Variants in METTL9 observed in about 807,000 individuals in gnomAD.
The protein encoded by METTL9 is protein-L-histidine N-pros-methyltransferase.
A neutral mutation model predicts 36.0 loss-of-function variants in METTL9; 10 were observed. That is an observed-to-expected ratio of 0.28 (90% CI 0.17 to 0.47). The LOEUF is 0.47. Among genes scored for constraint, METTL9 ranks in the 20% least tolerant of loss-of-function variants. METTL9 has a pLI of 0.99. For missense variants in METTL9, 246 were observed against 383.5 expected, an observed-to-expected ratio of 0.64 and a Z score of 3.00; for synonymous variants, 175 against 149.7, an observed-to-expected ratio of 1.17 and a Z score of -1.23.
chr16:21,600,909 A>G (rs745538623), intron 1 of METTL9, among the ~76,000 whole-genome samples: 4 of 152,110 alleles, frequency 2.6e-5, no homozygotes, highest in Non-Finnish European at 4.4e-5. Context: ...TCATTTTCAT[A>G]TATTTCTCAT....
chr16:21,641,453 A>G, intron 4 of METTL9: 1 of 685,164 alleles, frequency 1.5e-6, no homozygotes, highest in Non-Finnish European at 2.4e-6. Context: ...TTTTTTTAAG[A>G]CCTGATGATA....
chr16:21,640,026 C>T (rs1480770677), intron 4 of METTL9: 3 of 152,118 alleles, frequency 2.0e-5, no homozygotes, highest in African/African-American at 7.2e-5. Flanking sequence ...GCAACCTCCG[C>T]ATCCTGGGTT....
At chr16:21,599,291 T>G (rs1048906986), upstream of METTL9, among the ~76,000 whole-genome samples, 2 of 152,096 alleles carry the variant, frequency 1.3e-5, no homozygotes, top group African/African-American at 4.8e-5. This position sits in a 1 kb window ranked among gnomAD's most constrained non-coding sequence, Gnocchi z 4.4. Flanking sequence ...GAGGCTGCAG[T>G]TACCGCCTTC....
intron 1 of METTL9, among the ~76,000 whole-genome samples, chr16:21,600,684 G>A (rs755791345): frequency 5.3e-5 from 8 of 152,186 alleles, no homozygotes; most frequent in Non-Finnish European, 7.3e-5. Context: ...CTTTTCATTA[G>A]CTCAGTCTTG....
chr16:21,603,765 A>G lies in METTL9; in HGVS notation c.165+3867A>G, dbSNP rs369568921. Among the ~76,000 whole-genome samples, 10 of 152,204 alleles carry G rather than the reference A, an allele frequency of 6.6e-5. No homozygotes were observed. In the South Asian group the frequency reaches 1.0e-3, roughly 16 times the overall value. On this transcript the variant is annotated intron_variant, in intron 1 of 4. Transcript: ENST00000358154. ...ATAGAACTCGCTGAACCAAACCACA[A>G]CGATTTCTCCGGGTGACATACTGCA...
At chr16:21,603,840 G>A (rs1223460477) in intron 1 of METTL9, among the ~76,000 whole-genome samples, 2 of 152,168 alleles carry the variant, frequency 1.3e-5, no homozygotes, top group Non-Finnish European at 2.9e-5. Context: ...TTATTAAGTT[G>A]TAACTTAAAA....
At chr16:21,616,869 C>T (rs1360607183) in intron 2 of METTL9, among the ~76,000 whole-genome samples, 1 of 152,026 alleles carries the variant, frequency 6.6e-6, no homozygotes, top group Non-Finnish European at 1.5e-5. Flanking sequence ...GCTGTGTTAG[C>T]TTGTCATCTT....
chr16:21,614,279 AT>A (rs374378623), intron 2 of METTL9, among the ~76,000 whole-genome samples: 11 of 152,204 alleles, frequency 7.2e-5, no homozygotes, highest in African/African-American at 2.4e-4. Flanking sequence ...AGAGATTCTT[AT>A]CCTTTCTGGG....
chr16:21,655,440 G>A lies in METTL9; in HGVS notation c.*8G>A. On this transcript the variant is annotated 3_prime_UTR_variant, in exon 5 of 5. Transcript: ENST00000358154. ...GTTCTCAAACCAGTATAAACACGTG[G>A]AGGTCGAAGTCTTCAGAGTCCGCAC... 6.2e-7 allele frequency: 1 copy of A among 1,611,738 alleles called. No individual in the cohort carries two copies. The highest frequency in any genetic ancestry group is 1.7e-5 in the Admixed American group (1 of 59,940).
At position 21,641,663 on chromosome 16, in the gene METTL9, A is replaced by T. The variant is rs899977279; in HGVS notation, c.752-13564A>T. 105 of 935,546 alleles carry T rather than the reference A, an allele frequency of 1.1e-4. No homozygotes were observed. In the Admixed American group the frequency reaches 2.0e-3, roughly 18 times the overall value. 58.0% of individuals were successfully genotyped at this position (935,546 alleles called of 1,614,324 possible). Reference sequence around the variant, plus strand: ...CCAATGAAGCCAACTGCCAAGGAACATGCAAACCACTGGGCCATCTTGGAT... The same window carrying T: ...CCAATGAAGCCAACTGCCAAGGAACTTGCAAACCACTGGGCCATCTTGGAT... On this transcript the variant is annotated intron_variant, in intron 4 of 4. Transcript: ENST00000358154.
intron 3 of METTL9, among the ~76,000 whole-genome samples, chr16:21,619,457 C>G (rs1302285080): frequency 6.7e-6 from 1 of 150,244 alleles, no homozygotes; most frequent in African/African-American, 2.5e-5. Context: ...TGAAGTTTCA[C>G]TTGCCCAAGC....
At chr16:21,655,144 T>G in intron 4 of METTL9, 83 bp from the exon 5 acceptor site, 1 of 1,268,450 alleles carries the variant, frequency 7.9e-7, no homozygotes, top group Non-Finnish European at 1.1e-6. Flanking sequence ...ACCAAGTCCT[T>G]GGTAGATATG....
At chr16:21,598,963 G>C (rs369321982), upstream of METTL9, among the ~76,000 whole-genome samples, 6 of 152,282 alleles carry the variant, frequency 3.9e-5, 1 homozygote, top group South Asian at 1.2e-3. Context: ...TGGGGAACGG[G>C]GCAGGCGGGT....
chr16:21,647,164 CTGTT>C, intron 4 of METTL9: 2 of 1,614,180 alleles, frequency 1.2e-6, no homozygotes, highest in Non-Finnish European at 1.7e-6. Context: ...CTCCTCCTGT[CTGTT>C]TAGCTCTCGC....
intron 4 of METTL9, chr16:21,627,416 A>C: frequency 1.0e-6 from 1 of 981,310 alleles, no homozygotes; most frequent in African/African-American, 1.7e-5. Flanking sequence ...AAAAAATACC[A>C]TTCTAATTTC....
chr16:21,647,218 T>TG, intron 4 of METTL9: 4 of 1,614,098 alleles, frequency 2.5e-6, no homozygotes, highest in Non-Finnish European at 3.4e-6. Context: ...AGATGTAAAT[T>TG]GCACTGTCAT....
intron 1 of METTL9, among the ~76,000 whole-genome samples, chr16:21,604,638 A>G (rs942727341): frequency 1.3e-5 from 2 of 152,214 alleles, no homozygotes; most frequent in African/African-American, 2.4e-5. Context: ...ATTTACGCCT[A>G]TGCTGTGCTT....
At chr16:21,600,160 C>T (rs1053809477) in intron 1 of METTL9, among the ~76,000 whole-genome samples, 4 of 152,120 alleles carry the variant, frequency 2.6e-5, no homozygotes, top group Non-Finnish European at 2.9e-5. Flanking sequence ...GTGAGCGGCC[C>T]GGAGCCCCGC....
intron 3 of METTL9, among the ~76,000 whole-genome samples, chr16:21,623,214 G>A (rs920488069): frequency 1.3e-5 from 2 of 152,196 alleles, no homozygotes; most frequent in African/African-American, 4.8e-5. Context: ...GCACCAGTAA[G>A]GAATCTGACT....
Sources: gnomAD v4.1 joint callset for allele counts (sites outside exome capture counted in the v4.1 genomes callset) on GRCh38, gnomAD v4.1.1 for gene constraint, Gnocchi (gnomAD v3.1) non-coding constraint, MANE v1.5 for transcripts, NCBI Gene and HGNC (gene_info 2026-07-23, HGNC 2026-07-21) for gene names.